SAMMSON: variants seen among roughly 807,000 people sequenced by gnomAD.
SAMMSON encodes survival associated mitochondrial melanoma specific oncogenic non-coding RNA, also known as long intergenic non-protein coding RNA 1212.
intron 4 of SAMMSON, among the ~76,000 whole-genome samples, chr3:70,099,960 C>T (rs1293265016): frequency 1.3e-5 from 2 of 152,178 alleles, no homozygotes; most frequent in African/African-American, 4.8e-5. Flanking sequence ...CATAGTGCCA[C>T]ATGAGTTTTG....
chr3:70,160,204 CAA>C (rs11303853), intron 4 of SAMMSON, among the ~76,000 whole-genome samples: 70,942 of 149,532 alleles, frequency 0.47, 17,619 homozygotes, highest in Non-Finnish European at 0.52. Context: ...CATGTTATAT[CAA>C]AAAAAAAAAC....
At chr3:70,226,985 C>G (rs1257867893) in intron 4 of SAMMSON, among the ~76,000 whole-genome samples, 1 of 152,066 alleles carries the variant, frequency 6.6e-6, no homozygotes, top group East Asian at 1.9e-4. Flanking sequence ...AGCAGTGGCT[C>G]TTGATTGACA....
chr3:70,049,299 A>T (rs1195708091), intron 3 of SAMMSON, among the ~76,000 whole-genome samples: 1 of 152,120 alleles, frequency 6.6e-6, no homozygotes, highest in Non-Finnish European at 1.5e-5. Flanking sequence ...CATTCTCACC[A>T]GCCTTTTCCT....
chr3:70,290,204 G>C (rs987596303), intron 6 of SAMMSON, among the ~76,000 whole-genome samples: 10 of 152,100 alleles, frequency 6.6e-5, no homozygotes, highest in African/African-American at 2.4e-4. Context: ...TCTACTTTTG[G>C]TCTTTGATGA....
chr3:70,071,025 CAT>C (rs1393670956), intron 3 of SAMMSON, among the ~76,000 whole-genome samples: 17 of 151,820 alleles, frequency 1.1e-4, no homozygotes, highest in African/African-American at 3.1e-4. Flanking sequence ...TTTTGACTGA[CAT>C]GTGGCATTTT....
chr3:70,153,863 C>A (rs763780064), intron 4 of SAMMSON, among the ~76,000 whole-genome samples: 25 of 152,072 alleles, frequency 1.6e-4, no homozygotes, highest in Non-Finnish European at 2.9e-4. Flanking sequence ...CAATAACTCC[C>A]CTTTCCCCCA....
At chr3:70,114,688 G>A (rs556985019) in intron 4 of SAMMSON, among the ~76,000 whole-genome samples, 6 of 152,264 alleles carry the variant, frequency 3.9e-5, no homozygotes, top group African/African-American at 1.4e-4. Context: ...TGAAGACACT[G>A]GGGAAAGATT....
chr3:70,406,019 A>C (rs1315667610), intron 2 of SAMMSON, among the ~76,000 whole-genome samples: 1 of 152,212 alleles, frequency 6.6e-6, no homozygotes, highest in East Asian at 1.9e-4. Context: ...AATGTATTGC[A>C]TTCTTGAAAA....
chr3:70,179,055 A>G (rs1228510525), intron 4 of SAMMSON, among the ~76,000 whole-genome samples: 3 of 152,094 alleles, frequency 2.0e-5, no homozygotes, highest in Non-Finnish European at 4.4e-5. Flanking sequence ...GATCAGTTTC[A>G]TTTTATATTT....
chr3:70,393,136 C>A (rs866066571), downstream of SAMMSON, among the ~76,000 whole-genome samples: 1 of 152,228 alleles, frequency 6.6e-6, no homozygotes, highest in Middle Eastern at 3.4e-3. Context: ...CAGTAGTATG[C>A]CATTTTATGG....
intron 2 of SAMMSON, among the ~76,000 whole-genome samples, chr3:70,425,577 A>ATTT (rs72059563): frequency 7.3e-5 from 11 of 150,124 alleles, no homozygotes; most frequent in Admixed American, 1.3e-4. Context: ...ACGCCCAGCT[A>ATTT]TTTTTTTTCT....
chr3:70,011,472 A>T (rs1250074756), intron 1 of SAMMSON, among the ~76,000 whole-genome samples: 3 of 152,120 alleles, frequency 2.0e-5, no homozygotes, highest in Non-Finnish European at 4.4e-5. Flanking sequence ...TCTATTAGTC[A>T]TTCAGAATGT....
intron 7 of SAMMSON, among the ~76,000 whole-genome samples, chr3:70,338,438 A>G (rs1055338271): frequency 1.3e-5 from 2 of 152,108 alleles, no homozygotes; most frequent in Non-Finnish European, 2.9e-5. Flanking sequence ...AGGGTATTCA[A>G]TTAGGAAAAG....
chr3:70,301,008 C>G (rs927339187), intron 7 of SAMMSON, among the ~76,000 whole-genome samples: 1 of 151,960 alleles, frequency 6.6e-6, no homozygotes, highest in African/African-American at 2.4e-5. Context: ...AAAGTGAACT[C>G]CTTATTATCC....
intron 7 of SAMMSON, among the ~76,000 whole-genome samples, chr3:70,352,621 CTCT>C (rs1359101489): frequency 6.6e-6 from 1 of 152,036 alleles, no homozygotes; most frequent in East Asian, 1.9e-4. Flanking sequence ...GATTTTCTTT[CTCT>C]TCTTAAGTTT....
intron 7 of SAMMSON, among the ~76,000 whole-genome samples, chr3:70,327,786 G>A (rs1376301966): frequency 6.6e-6 from 1 of 152,078 alleles, no homozygotes; most frequent in Non-Finnish European, 1.5e-5. Flanking sequence ...AATCGAGCTT[G>A]GAAGGAAGCC....
intron 6 of SAMMSON, among the ~76,000 whole-genome samples, chr3:70,259,317 A>G (rs1472691993): frequency 1.3e-5 from 2 of 152,172 alleles, no homozygotes; most frequent in Non-Finnish European, 2.9e-5. Context: ...AGTAAGCACC[A>G]TCTTTTGACT....
intron 7 of SAMMSON, among the ~76,000 whole-genome samples, chr3:70,332,480 G>A (rs187434270): frequency 8.5e-5 from 13 of 152,248 alleles, no homozygotes; most frequent in Non-Finnish European, 1.6e-4. Context: ...CTCAGAACCA[G>A]TGCCTCAAAC....
intron 7 of SAMMSON, among the ~76,000 whole-genome samples, chr3:70,304,551 A>G (rs1038258394): frequency 3.9e-5 from 6 of 152,222 alleles, no homozygotes; most frequent in Admixed American, 3.9e-4. Flanking sequence ...GCCGGGGGTC[A>G]GCCTTTGATT....
Sources: gnomAD v4.1 joint callset for allele counts (sites outside exome capture counted in the v4.1 genomes callset) on GRCh38, gnomAD v4.1.1 for gene constraint, MANE v1.5 for transcripts, NCBI Gene and HGNC (gene_info 2026-07-23, HGNC 2026-07-21) for gene names.